The following PHEX variants were observed in gnomAD, a reference collection of about 807,000 sequenced individuals.
PHEX encodes the protein phosphate regulating endopeptidase X-linked.
PHEX carries 16 observed loss-of-function variants against 68.0 expected under a neutral mutation model. That is an observed-to-expected ratio of 0.24 (90% confidence interval 0.16 to 0.36). PHEX has a LOEUF of 0.36. Among genes scored for constraint, PHEX ranks in the 10% least tolerant of loss-of-function variants. The probability of loss-of-function intolerance (pLI) is 1.00; values close to 1 mark genes in which losing one functional copy is unlikely to be tolerated. For synonymous variants in PHEX, 208 were observed against 205.1 expected (o/e 1.01, Z -0.12); for missense variants, 480 against 575.5 (o/e 0.83, Z 1.70).
Position 22,249,455 on chromosome X carries a change from A to AAAAAAAATATATATATATATAT in PHEX, c.*1503_*1504insAAAAAATATATATATATATATA. On this transcript the variant is annotated 3_prime_UTR_variant, in exon 22 of 22. Coordinates refer to ENST00000379374, the MANE Select transcript of PHEX (RefSeq NM_000444.6). ...TTGTGATTCTTTTAAAAAAAAAAAA[A>AAAAAAAATATATATATATATAT]ATATATATATATATATATATATATA... 5.0e-5 allele frequency: 2 copies of AAAAAAAATATATATATATATAT among 39,758 alleles called. No individual in the cohort carries two copies. Among genetic ancestry groups the AAAAAAAATATATATATATATAT allele is most frequent in the African/African-American group, 1.7e-4 (1 of 6,017 alleles). 3.3% of individuals were successfully genotyped at this position (39,758 alleles called of 1,213,427 possible).
chrX:22,181,718 G>A (rs7878979), intron 14 of PHEX, among the ~76,000 whole-genome samples: 33,955 of 110,646 alleles, frequency 0.31, 3,965 homozygotes, highest in Middle Eastern at 0.37. Flanking sequence ...TTAACATGGA[G>A]TATCTACTTT....
chrX:22,129,407 G>A (rs751522525), intron 11 of PHEX, among the ~76,000 whole-genome samples: 1 of 111,828 alleles, frequency 8.9e-6, no homozygotes, highest in South Asian at 3.8e-4. Context: ...ATGCTGCCAG[G>A]ATGCACATAG....
At chrX:22,174,711 C>T (rs913534024) in intron 13 of PHEX, among the ~76,000 whole-genome samples, 11 of 111,733 alleles carry the variant, frequency 9.8e-5, no homozygotes, top group Non-Finnish European at 1.9e-4. Context: ...ATTTGTTTTT[C>T]TCTATTTCTG....
intron 2 of PHEX, among the ~76,000 whole-genome samples, chrX:22,046,066 G>A (rs185883235): frequency 1.8e-5 from 2 of 111,616 alleles, no homozygotes; most frequent in African/African-American, 3.3e-5. Flanking sequence ...TTTCTCTGCC[G>A]ATTTTTGCCT....
rs1007377276 is a variant in PHEX, at chrX:22,231,194, A to G, written c.2070+3583A>G. Among the ~76,000 whole-genome samples, 3 of 112,536 alleles carry G rather than the reference A, an allele frequency of 2.7e-5. No individual in the cohort carries two copies. In the East Asian group the frequency reaches 8.2e-4, roughly 31 times the overall value. On this transcript the variant is annotated intron_variant, in intron 20 of 21. Coordinates refer to ENST00000379374, the MANE Select transcript of PHEX (RefSeq NM_000444.6). ...CAAGTATTTTATCGGGTATTTTCGC[A>G]TAGATGTTCATCAGGGATATTGGCC...
Position 22,114,601 on chromosome X carries a change from C to G in PHEX, c.1302+15C>G. 17 of 1,195,706 alleles carry G rather than the reference C, an allele frequency of 1.4e-5. No individual in the cohort carries two copies. Among genetic ancestry groups the G allele is most frequent in the Non-Finnish European group, 1.8e-5 (16 of 881,380 alleles). On this transcript the variant is annotated intron_variant, in intron 11 of 21. Coordinates refer to ENST00000379374, the MANE Select transcript of PHEX (RefSeq NM_000444.6). Reference sequence around the variant, plus strand: ...AGAAGGAAATGGTAAGTGGTACTCCCCAGCTAGCAAAAAATAATGGCAATT... The same window carrying G: ...AGAAGGAAATGGTAAGTGGTACTCCGCAGCTAGCAAAAAATAATGGCAATT...
At chrX:22,150,574 T>C in intron 12 of PHEX, among the ~76,000 whole-genome samples, 1 of 112,134 alleles carries the variant, frequency 8.9e-6, no homozygotes, top group Non-Finnish European at 1.9e-5. Flanking sequence ...ATCCTGAATT[T>C]GTCTTACAGG....
At chrX:22,152,871 C>A (rs959334758) in intron 12 of PHEX, among the ~76,000 whole-genome samples, 1 of 111,448 alleles carries the variant, frequency 9.0e-6, no homozygotes, top group Non-Finnish European at 1.9e-5. Context: ...GCACTTTGTA[C>A]GATATAGTGC....
intron 13 of PHEX, among the ~76,000 whole-genome samples, chrX:22,176,403 ATATATATATATAT>A (rs1203291241): frequency 8.8e-4 from 46 of 52,397 alleles, no homozygotes; most frequent in African/African-American, 4.6e-3. Flanking sequence ...AAAAAAAAAA[ATATATATATATAT>A]ATATATATAT....
intron 12 of PHEX, among the ~76,000 whole-genome samples, chrX:22,141,554 A>G (rs781467834): frequency 1.2e-4 from 13 of 110,098 alleles, no homozygotes; most frequent in Non-Finnish European, 1.7e-4. Context: ...CTGTTGCTCC[A>G]GTCCTAAACT....
intron 9 of PHEX, among the ~76,000 whole-genome samples, chrX:22,109,685 T>C (rs1930868643): frequency 9.0e-6 from 1 of 111,714 alleles, no homozygotes; most frequent in Admixed American, 9.6e-5. Flanking sequence ...ATGGCACAGC[T>C]GGGAGGGGAA....
At chrX:22,040,518 A>C (rs1448647482) in intron 2 of PHEX, among the ~76,000 whole-genome samples, 1 of 111,668 alleles carries the variant, frequency 9.0e-6, no homozygotes, top group African/African-American at 3.3e-5. Flanking sequence ...GAGAAAATTA[A>C]AAAAAAGATA....
intron 9 of PHEX, among the ~76,000 whole-genome samples, chrX:22,105,205 G>C (rs1311252564): frequency 1.8e-5 from 2 of 112,139 alleles, no homozygotes; most frequent in Admixed American, 9.4e-5. Flanking sequence ...TGAATCAGAG[G>C]CTGAAATTGA....
At chrX:22,059,164 C>T (rs1385988604) in intron 3 of PHEX, among the ~76,000 whole-genome samples, 1 of 111,631 alleles carries the variant, frequency 9.0e-6, no homozygotes, top group Non-Finnish European at 1.9e-5. Context: ...CTTGAGTCCA[C>T]AGTCTTCCCA....
chrX:22,199,373 G>C (rs964679010), intron 15 of PHEX, among the ~76,000 whole-genome samples: 2 of 111,897 alleles, frequency 1.8e-5, no homozygotes, highest in Admixed American at 1.9e-4. Flanking sequence ...AGATAGCACA[G>C]TGATCCTCCC....
intron 2 of PHEX, among the ~76,000 whole-genome samples, chrX:22,046,211 T>C (rs1286871981): frequency 8.9e-6 from 1 of 112,027 alleles, no homozygotes; most frequent in East Asian, 2.8e-4. Context: ...GGAGGCTGCT[T>C]CAAAGGGCAG....
At chrX:22,059,212 G>GA (rs1204412449) in intron 3 of PHEX, among the ~76,000 whole-genome samples, 1 of 111,718 alleles carries the variant, frequency 9.0e-6, no homozygotes, top group Non-Finnish European at 1.9e-5. Flanking sequence ...ACTTGGATGG[G>GA]AAAAAATTGC....
intron 9 of PHEX, among the ~76,000 whole-genome samples, chrX:22,106,778 CAAAAAAAAAA>C (rs10647092): frequency 3.7e-5 from 2 of 53,342 alleles, no homozygotes; most frequent in South Asian, 2.1e-3. Flanking sequence ...AACTCTGTCT[CAAAAAAAAAA>C]AAAAAAAACC....
intron 12 of PHEX, among the ~76,000 whole-genome samples, chrX:22,150,013 C>G (rs1427922874): frequency 9.0e-6 from 1 of 111,601 alleles, no homozygotes; most frequent in Non-Finnish European, 1.9e-5. Context: ...TTTGAGCATC[C>G]TTTATCAGCA....
Sources: gnomAD v4.1 joint callset for allele counts (sites outside exome capture counted in the v4.1 genomes callset) on GRCh38, gnomAD v4.1.1 for gene constraint, MANE v1.5 for transcripts, NCBI Gene and HGNC (gene_info 2026-07-23, HGNC 2026-07-21) for gene names.